Variants in PCLO observed in about 807,000 individuals in gnomAD.
PCLO encodes the protein piccolo presynaptic cytomatrix protein, also known as protein piccolo.
A neutral mutation model predicts 427.5 loss-of-function variants in PCLO; 82 were observed. The ratio of observed to expected loss-of-function variants is 0.19; its 90% CI spans 0.16 to 0.23. The LOEUF is 0.23. Ranked by LOEUF, PCLO falls within the 10% of genes least tolerant of loss-of-function variation. The probability of loss-of-function intolerance (pLI) is 1.00; values close to 1 mark genes in which losing one functional copy is unlikely to be tolerated. For synonymous variants in PCLO, 2,357 were observed against 2,155.4 expected, an observed-to-expected ratio of 1.09 and a Z score of -2.59; for missense variants, 6,239 against 6,115.9, an observed-to-expected ratio of 1.02 and a Z score of -0.67.
At chr7:82,830,259 AC>A (rs1349695176) in intron 16 of PCLO, among the ~76,000 whole-genome samples, 1 of 151,930 alleles carries the variant, frequency 6.6e-6, no homozygotes, top group Non-Finnish European at 1.5e-5. Flanking sequence ...TTTTTAGTAA[AC>A]TTGAAATATT....
intron 3 of PCLO, among the ~76,000 whole-genome samples, chr7:83,029,064 T>C (rs1788586095): frequency 6.6e-6 from 1 of 151,972 alleles, no homozygotes; most frequent in South Asian, 2.1e-4. Context: ...ACTTCATGTC[T>C]AAAACACCAA....
chr7:82,776,521 A>G (rs1195717749), intron 22 of PCLO, among the ~76,000 whole-genome samples: 2 of 149,358 alleles, frequency 1.3e-5, no homozygotes, highest in Admixed American at 6.7e-5. Context: ...TGGGCTGGGG[A>G]TGGTGACTCA....
chr7:83,089,766 A>C (rs1366976144), intron 3 of PCLO, among the ~76,000 whole-genome samples: 1 of 152,158 alleles, frequency 6.6e-6, no homozygotes, highest in Non-Finnish European at 1.5e-5. Flanking sequence ...GAGATCACTG[A>C]GGCAAAACAT....
chr7:82,901,237 T>C (rs1794031398), intron 9 of PCLO, among the ~76,000 whole-genome samples: 1 of 151,870 alleles, frequency 6.6e-6, no homozygotes. Flanking sequence ...ATCCTACTTA[T>C]TTTTTTACAT....
intron 3 of PCLO, among the ~76,000 whole-genome samples, chr7:83,050,276 A>ATTTT (rs768372950): frequency 2.8e-4 from 35 of 127,150 alleles, no homozygotes; most frequent in African/African-American, 9.5e-4. Context: ...CTTTTTAAAA[A>ATTTT]AAAAAAAAAA....
intron 3 of PCLO, among the ~76,000 whole-genome samples, chr7:83,053,552 TG>T (rs1203482714): frequency 6.6e-6 from 1 of 151,774 alleles, no homozygotes; most frequent in African/African-American, 2.4e-5. Flanking sequence ...AGGGAAAGAA[TG>T]GAAGAAAAAT....
chr7:82,925,713 CTTTTTT>C (rs34017885), intron 6 of PCLO, among the ~76,000 whole-genome samples: 1,937 of 79,004 alleles, frequency 0.025, 49 homozygotes, highest in African/African-American at 0.089. Context: ...ATTTTTGTTG[CTTTTTT>C]TTTTTTTTTT....
At chr7:82,798,916 A>T (rs750932692) in intron 22 of PCLO, among the ~76,000 whole-genome samples, 2 of 152,082 alleles carry the variant, frequency 1.3e-5, no homozygotes, top group Non-Finnish European at 2.9e-5. Context: ...CTAATCTAAG[A>T]TCAACTGTTG....
intron 22 of PCLO, among the ~76,000 whole-genome samples, chr7:82,774,324 T>G (rs1208248503): frequency 3.9e-5 from 6 of 152,206 alleles, no homozygotes; most frequent in Admixed American, 3.9e-4. Flanking sequence ...CCCATTTGAC[T>G]TGTGATGCCA....
chr7:82,854,610 A>G (rs1376441867), intron 10 of PCLO, among the ~76,000 whole-genome samples: 1 of 152,174 alleles, frequency 6.6e-6, no homozygotes, highest in African/African-American at 2.4e-5. Context: ...TTGAATATAA[A>G]ATGAATGAAA....
At chr7:82,769,669 C>T (rs923873047) in intron 22 of PCLO, among the ~76,000 whole-genome samples, 1 of 151,922 alleles carries the variant, frequency 6.6e-6, no homozygotes. Context: ...GAAAAGTCTG[C>T]GTAAGAAAAA....
chr7:82,991,678 T>A (rs142294524), intron 3 of PCLO, among the ~76,000 whole-genome samples: 1 of 152,266 alleles, frequency 6.6e-6, no homozygotes, highest in African/African-American at 2.4e-5. Context: ...TGTAGTATAT[T>A]TTGGCCATAT....
In PCLO at chr7:82,755,052, A is replaced by G. The variant is rs1790287695; in HGVS notation, c.*3523T>C. The G allele has an allele frequency of 6.6e-6, 1 of 152,108 alleles. No homozygotes were observed. The highest frequency in any genetic ancestry group is 1.5e-5 in the Non-Finnish European group (1 of 67,984). 9.4% of individuals were successfully genotyped at this position (152,108 alleles called of 1,614,324 possible). On this transcript the variant is annotated 3_prime_UTR_variant, in exon 25 of 25. Coordinates refer to ENST00000333891, the MANE Select transcript of PCLO (RefSeq NM_033026.6). ...AATAATTTCTAATAAATTGGGCACA[A>G]TATAATATATACTTTTATTTTACTT...
chr7:83,117,417 T>C (rs1431105842), intron 3 of PCLO, among the ~76,000 whole-genome samples: 2 of 152,190 alleles, frequency 1.3e-5, no homozygotes, highest in Non-Finnish European at 2.9e-5. Flanking sequence ...AAAGAAACAG[T>C]TCATAATATA....
intron 3 of PCLO, among the ~76,000 whole-genome samples, chr7:83,030,289 C>G (rs954678886): frequency 1.3e-5 from 2 of 151,956 alleles, no homozygotes; most frequent in African/African-American, 4.8e-5. Flanking sequence ...AATCTTGTCT[C>G]AATATTTAAA....
At chr7:82,850,883 G>A (rs924943638) in intron 10 of PCLO, among the ~76,000 whole-genome samples, 3 of 152,116 alleles carry the variant, frequency 2.0e-5, no homozygotes, top group African/African-American at 7.2e-5. Context: ...CATTCACACA[G>A]GAGGAAGTTC....
At chr7:82,895,837 A>G (rs934340950) in intron 9 of PCLO, among the ~76,000 whole-genome samples, 2 of 152,098 alleles carry the variant, frequency 1.3e-5, no homozygotes, top group African/African-American at 4.8e-5. Context: ...ACTGAAAAAG[A>G]AAGCTTAGGC....
At chr7:82,865,523 C>G (rs1437711580) in intron 10 of PCLO, among the ~76,000 whole-genome samples, 3 of 151,914 alleles carry the variant, frequency 2.0e-5, no homozygotes, top group Non-Finnish European at 2.9e-5. Flanking sequence ...AAAAAACCCA[C>G]AAATATACAT....
chr7:82,963,143 T>C (rs1214450313), intron 4 of PCLO, among the ~76,000 whole-genome samples: 1 of 152,042 alleles, frequency 6.6e-6, no homozygotes, highest in Non-Finnish European at 1.5e-5. Flanking sequence ...GAGAAAATTA[T>C]AATGTGGAAA....
Sources: allele counts gnomAD v4.1 joint callset (sites outside exome capture counted in the v4.1 genomes callset), GRCh38; gene constraint gnomAD v4.1.1; transcripts MANE v1.5; gene names NCBI Gene and HGNC (gene_info 2026-07-23, HGNC 2026-07-21).